The following ACSBG1 variants were observed in gnomAD, a reference collection of about 807,000 sequenced individuals.
ACSBG1 encodes acyl-CoA synthetase bubblegum family member 1.
Under a neutral mutation model 80.2 loss-of-function variants are expected in ACSBG1, and 39 were observed. That is an observed-to-expected ratio of 0.49 (90% CI 0.38 to 0.64). The LOEUF is 0.64. Ranked by LOEUF, ACSBG1 falls within the 30% of genes least tolerant of loss-of-function variation. ACSBG1 has a pLI of 0.00. For synonymous variants in ACSBG1, 392 were observed against 379.5 expected, an observed-to-expected ratio of 1.03 and a Z score of -0.38; for missense variants, 828 against 966.4, an observed-to-expected ratio of 0.86 and a Z score of 1.90.
chr15:78,187,220 T>G (rs1291776396), intron 5 of ACSBG1, among the ~76,000 whole-genome samples: 1 of 152,190 alleles, frequency 6.6e-6, no homozygotes, highest in African/African-American at 2.4e-5. Flanking sequence ...ACCAGATGGA[T>G]TCACAGCCGA....
intron 1 of ACSBG1, among the ~76,000 whole-genome samples, chr15:78,218,809 C>CTTT (rs1188892122): frequency 1.1e-3 from 40 of 37,082 alleles, no homozygotes; most frequent in African/African-American, 2.6e-3. Flanking sequence ...TATCGCTCTC[C>CTTT]TTTTTTTTTT....
chr15:78,202,904 C>T (rs550290415), intron 2 of ACSBG1, among the ~76,000 whole-genome samples: 34 of 152,256 alleles, frequency 2.2e-4, no homozygotes, highest in African/African-American at 8.2e-4. Context: ...GGAAACAACC[C>T]GAATGTCCAA....
chr15:78,194,191 C>T (rs1024483097), intron 3 of ACSBG1, among the ~76,000 whole-genome samples, 171 bp from the exon 4 acceptor site: 5 of 152,218 alleles, frequency 3.3e-5, no homozygotes, highest in South Asian at 2.1e-4. Flanking sequence ...CAACAGCCCT[C>T]ACTGCCCCTC....
chr15:78,212,811 C>T, intron 1 of ACSBG1: 1 of 306,118 alleles, frequency 3.3e-6, no homozygotes. Flanking sequence ...TATGACTCAT[C>T]TGCTCCTGGG....
At position 78,207,988 on chromosome 15, in the gene ACSBG1, C is replaced by T. The variant is rs8034930; in HGVS notation, c.232+14G>A. The T allele has an allele frequency of 6.3e-7, 1 of 1,597,914 alleles. No individual in the cohort carries two copies. Among genetic ancestry groups the T allele is most frequent in the Non-Finnish European group, 8.6e-7 (1 of 1,166,222 alleles). ...TCCCGCCCTGCCCCACCCTACCACC[C>T]CCAGCTGGCTTACCTGGAGCATCCC... On this transcript the variant is annotated intron_variant, in intron 2 of 13. Coordinates refer to ENST00000258873, the MANE Select transcript of ACSBG1 (RefSeq NM_015162.5).
intron 5 of ACSBG1, among the ~76,000 whole-genome samples, chr15:78,189,135 C>T (rs2075034157): frequency 6.6e-6 from 1 of 151,740 alleles, no homozygotes; most frequent in African/African-American, 2.4e-5. Flanking sequence ...CATCTCACAC[C>T]AGTTAGAATG....
chr15:78,175,415 G>A (rs1030845516), intron 11 of ACSBG1, among the ~76,000 whole-genome samples: 3 of 152,358 alleles, frequency 2.0e-5, no homozygotes, highest in South Asian at 2.1e-4. Context: ...GCCCATGGCT[G>A]CAAGGAGCCC....
intron 1 of ACSBG1, among the ~76,000 whole-genome samples, chr15:78,226,867 G>A (rs1278085218): frequency 3.7e-5 from 5 of 135,688 alleles, no homozygotes; most frequent in African/African-American, 1.3e-4. Flanking sequence ...ACTAACCATA[G>A]AAGAAAAAAA....
intron 1 of ACSBG1, among the ~76,000 whole-genome samples, chr15:78,232,549 C>T (rs2075454960): frequency 1.3e-5 from 2 of 152,208 alleles, no homozygotes; most frequent in South Asian, 4.1e-4. Context: ...GCCCTGAGCC[C>T]CACTTGGCCC....
intron 7 of ACSBG1, 40 bp downstream of exon 7, chr15:78,182,426 C>T (rs770987535): frequency 3.1e-6 from 5 of 1,596,904 alleles, no homozygotes; most frequent in Non-Finnish European, 3.4e-6. Flanking sequence ...CACCCATAAC[C>T]CCCTTGCACC....
Position 78,192,861 on chromosome 15 carries a change from G to T in ACSBG1, c.663+645C>A, listed in dbSNP as rs951853569. Among the ~76,000 whole-genome samples the T allele has an allele frequency of 2.0e-5, 3 of 152,154 alleles. 1 individual carries two copies. The highest frequency in any genetic ancestry group is 7.2e-5 in the African/African-American group (3 of 41,452). On this transcript the variant is annotated intron_variant, in intron 5 of 13. Coordinates refer to ENST00000258873, the MANE Select transcript of ACSBG1 (RefSeq NM_015162.5). The stretch of plus-strand genomic sequence containing the variant: ...CTCCCTTGGGATGCAGGGAGCCCTT[G>T]AATGCCTTAAAGGCTGTTGGGTTCA...
intron 1 of ACSBG1, among the ~76,000 whole-genome samples, chr15:78,231,208 C>T (rs2075444370): frequency 6.6e-6 from 1 of 152,132 alleles, no homozygotes; most frequent in Non-Finnish European, 1.5e-5. Flanking sequence ...GCAACCTCTG[C>T]CTCCCAGATT....
chr15:78,212,508 C>CA lies in ACSBG1; in HGVS notation c.132-4407_132-4406insT, dbSNP rs1595898548. On this transcript the variant is annotated intron_variant, in intron 1 of 13. Coordinates refer to ENST00000258873, the MANE Select transcript of ACSBG1 (RefSeq NM_015162.5). Reference sequence around the variant, plus strand: ...ACTACTTTCCCTGGGAGACTGGCTGCGGGGCAGGAGGCGGGGGAAGGTGGG... The same window carrying CA: ...ACTACTTTCCCTGGGAGACTGGCTGCAGGGGCAGGAGGCGGGGGAAGGTGGG... 6.6e-6 allele frequency: 3 copies of CA among 453,864 alleles called. No individual in the cohort carries two copies. The East Asian group carries it at 2.1e-4, about 32-fold the overall frequency. 28.1% of individuals were successfully genotyped at this position (453,864 alleles called of 1,614,324 possible).
chr15:78,196,710 A>C (rs1189016323), intron 2 of ACSBG1, among the ~76,000 whole-genome samples: 1 of 152,186 alleles, frequency 6.6e-6, no homozygotes, highest in Non-Finnish European at 1.5e-5. Flanking sequence ...GAAACAACCC[A>C]AATGTCCACT....
chr15:78,226,870 GA>G (rs200198747), intron 1 of ACSBG1, among the ~76,000 whole-genome samples: 2,058 of 138,180 alleles, frequency 0.015, 52 homozygotes, highest in African/African-American at 0.051. Flanking sequence ...AACCATAGAA[GA>G]AAAAAACTAG....
At chr15:78,211,505 A>G (rs1481417188) in intron 1 of ACSBG1, among the ~76,000 whole-genome samples, 2 of 152,266 alleles carry the variant, frequency 1.3e-5, no homozygotes, top group Non-Finnish European at 2.9e-5. Context: ...GACGAGAACA[A>G]GGATTCATTC....
At position 78,225,124 on chromosome 15, in the gene ACSBG1, G is replaced by C. The variant is rs2075389321; in HGVS notation, c.131+9247C>G. Among the ~76,000 whole-genome samples the C allele has an allele frequency of 2.6e-5, 4 of 152,146 alleles. No homozygotes were observed. The South Asian group carries it at 8.3e-4, about 31-fold the overall frequency. ...AAATTTAAAATACAGTTTTAGCTAG[G>C]CACAGTGGCTCACACCTGTAATCCC... On this transcript the variant is annotated intron_variant, in intron 1 of 13. Transcript: ENST00000258873.
chr15:78,182,098 C>T lies in ACSBG1; in HGVS notation c.942G>A (p.Pro314=), dbSNP rs375465638. 1.4e-4 allele frequency: 223 copies of T among 1,612,600 alleles called. 1 individual carries two copies. The highest frequency in any genetic ancestry group is 1.1e-3 in the South Asian group (98 of 91,080). The change falls in exon 8 of 14, where the codon CCG becomes CCA. Residue 314 remains proline (P), a synonymous_variant. Transcript: ENST00000258873. ...RYGSQAGDIR[P]AEVQQEVVVS... is the part of the protein sequence containing the mutation. ...CTACCACCTCCTGCTGGACTTCTGCCGGCCGGATGTCACCGGCCTGGCTGC... is the reference window on the plus strand; with the variant it reads ...CTACCACCTCCTGCTGGACTTCTGCTGGCCGGATGTCACCGGCCTGGCTGC...
At chr15:78,219,867 C>T (rs1197276948) in intron 1 of ACSBG1, among the ~76,000 whole-genome samples, 1 of 152,078 alleles carries the variant, frequency 6.6e-6, no homozygotes, top group Admixed American at 6.6e-5. Context: ...ACCTGTAGTC[C>T]CAGCTACTCA....
Sources: allele counts gnomAD v4.1 joint callset (sites outside exome capture counted in the v4.1 genomes callset), GRCh38; gene constraint gnomAD v4.1.1; transcripts MANE v1.5; gene names NCBI Gene and HGNC (gene_info 2026-07-23, HGNC 2026-07-21).